The following ELMO1 variants were observed in gnomAD, a reference collection of about 807,000 sequenced individuals.
ELMO1 encodes the protein engulfment and cell motility protein 1.
Under a neutral mutation model 98.9 loss-of-function variants are expected in ELMO1, and 26 were observed. The ratio of observed to expected loss-of-function variants is 0.26; its 90% CI spans 0.19 to 0.36. ELMO1 has a LOEUF of 0.36. ELMO1 is among the 10% of genes least tolerant of loss of function. The pLI is 1.00. For missense variants in ELMO1, 627 were observed against 935.2 expected, an observed-to-expected ratio of 0.67 and a Z score of 4.30; for synonymous variants, 346 against 346.0, an observed-to-expected ratio of 1.00 and a Z score of 0.00.
chr7:37,167,917 A>G (rs568880950), intron 13 of ELMO1, among the ~76,000 whole-genome samples: 8 of 152,144 alleles, frequency 5.3e-5, no homozygotes, highest in South Asian at 2.1e-4. Flanking sequence ...TCTCCTGGAT[A>G]ATATCCTGTA....
intron 15 of ELMO1, among the ~76,000 whole-genome samples, chr7:37,017,967 T>C (rs868396605): frequency 2.0e-5 from 3 of 152,090 alleles, no homozygotes; most frequent in East Asian, 1.9e-4. Context: ...TAGCGTGCCA[T>C]AGAACTTTAG....
intron 16 of ELMO1, among the ~76,000 whole-genome samples, chr7:36,991,094 C>G (rs189988386): frequency 6.6e-6 from 1 of 152,172 alleles, no homozygotes; most frequent in Admixed American, 6.6e-5. Context: ...CTACAGTTTA[C>G]GACATGGCTA....
chr7:37,265,577 A>G (rs1796197175), intron 5 of ELMO1, among the ~76,000 whole-genome samples: 1 of 151,922 alleles, frequency 6.6e-6, no homozygotes, highest in African/African-American at 2.4e-5. Context: ...CTGCATGGAG[A>G]GTGTCTCCAC....
chr7:36,872,483 A>G (rs890443985), intron 19 of ELMO1, among the ~76,000 whole-genome samples: 2 of 152,192 alleles, frequency 1.3e-5, no homozygotes, highest in African/African-American at 4.8e-5. Flanking sequence ...TCCCTGCAGC[A>G]CAAGGTAGCA....
intron 2 of ELMO1, among the ~76,000 whole-genome samples, chr7:37,336,914 G>A (rs1339730050): frequency 1.3e-5 from 2 of 152,108 alleles, no homozygotes; most frequent in Non-Finnish European, 2.9e-5. Flanking sequence ...GATTTTCCAA[G>A]GTGAAAACAG....
chr7:37,124,163 C>A (rs994870410), intron 14 of ELMO1, among the ~76,000 whole-genome samples: 1 of 152,100 alleles, frequency 6.6e-6, no homozygotes, highest in Non-Finnish European at 1.5e-5. Context: ...CTATGACAAA[C>A]CCACAGCCAA....
rs192299440 is a variant in ELMO1 at position 36,963,123 on chromosome 7, G to A, written c.1437+50176C>T. ...CTTTGAGCTGGGCGTGGTGGCTCAC[G>A]CCTGTAATCCCAGCACTTTGGGAGG... On this transcript the variant is annotated intron_variant, in intron 16 of 21. Coordinates refer to ENST00000310758, the MANE Select transcript of ELMO1 (RefSeq NM_014800.11). Among the ~76,000 whole-genome samples, 14 of 152,236 alleles carry A rather than the reference G, an allele frequency of 9.2e-5. No homozygotes were observed. In the East Asian group the frequency reaches 1.9e-3, roughly 21 times the overall value.
intron 16 of ELMO1, among the ~76,000 whole-genome samples, chr7:36,970,343 A>G (rs1379847560): frequency 2.0e-5 from 3 of 152,168 alleles, no homozygotes; most frequent in Non-Finnish European, 4.4e-5. Flanking sequence ...ATAAAATCAT[A>G]TTACACAATT....
chr7:36,855,408 G>T lies in ELMO1; in HGVS notation c.*143C>A. 2 of 1,065,700 alleles carry T rather than the reference G, an allele frequency of 1.9e-6. No homozygotes were observed. Among genetic ancestry groups the T allele is most frequent in the Non-Finnish European group, 1.4e-6 (1 of 716,648 alleles). The allele number at this position is 1,065,700 out of a possible 1,614,324, so 66.0% of individuals were successfully genotyped here. On this transcript the variant is annotated 3_prime_UTR_variant, in exon 22 of 22. Coordinates refer to ENST00000310758, the MANE Select transcript of ELMO1 (RefSeq NM_014800.11). This position sits in a 1 kb window ranked among gnomAD's most constrained non-coding sequence, Gnocchi z 4.2. The stretch of plus-strand genomic sequence containing the variant: ...CAGCTAGGGGCTGAAAGTTGCCAGG[G>T]CTAGAGGTGATGCTGAAGGGAATGT...
At chr7:36,959,836 A>T (rs1047572981) in intron 16 of ELMO1, among the ~76,000 whole-genome samples, 1 of 152,092 alleles carries the variant, frequency 6.6e-6, no homozygotes, top group Admixed American at 6.6e-5. Flanking sequence ...ACGTGTGACC[A>T]TGCCTGCCTA....
chr7:37,296,909 C>T (rs565888663), intron 4 of ELMO1, among the ~76,000 whole-genome samples: 36 of 152,260 alleles, frequency 2.4e-4, no homozygotes, highest in Non-Finnish European at 4.7e-4. Flanking sequence ...ACCTGACATG[C>T]TCTCAAGCCA....
In ELMO1 at chr7:37,261,623, T is replaced by C. The variant is rs112228502; in HGVS notation, c.244-2273A>G. ...TGTTTTTCTTTCTTTCTTTTTTTTTTAGGGAGTCTTGCTCTGTCACCCAGG... is the reference window on the plus strand; with the variant it reads ...TGTTTTTCTTTCTTTCTTTTTTTTTCAGGGAGTCTTGCTCTGTCACCCAGG... On this transcript the variant is annotated intron_variant, in intron 5 of 21. Coordinates refer to ENST00000310758, the MANE Select transcript of ELMO1 (RefSeq NM_014800.11). 4.6e-4 allele frequency among the ~76,000 whole-genome samples: 70 copies of C among 152,152 alleles called. No homozygotes were observed. The Middle Eastern group carries it at 0.01, about 22-fold the overall frequency.
At chr7:36,893,024 G>C (rs894946910) in intron 17 of ELMO1, among the ~76,000 whole-genome samples, 4 of 152,168 alleles carry the variant, frequency 2.6e-5, no homozygotes, top group South Asian at 2.1e-4. Context: ...GCCAAAATAG[G>C]AGTAAAATGT....
intron 8 of ELMO1, among the ~76,000 whole-genome samples, chr7:37,228,189 T>A (rs1793971889): frequency 1.3e-5 from 2 of 152,252 alleles, no homozygotes; most frequent in African/African-American, 4.8e-5. Context: ...TCAGGGCTGA[T>A]CCAAGTGAAT....
chr7:36,963,408 T>C (rs975483490), intron 16 of ELMO1, among the ~76,000 whole-genome samples: 1 of 150,596 alleles, frequency 6.6e-6, no homozygotes, highest in African/African-American at 2.4e-5. Context: ...AATAAAAAAA[T>C]AAATAAATAA....
chr7:37,005,133 GA>G (rs932976131), intron 16 of ELMO1, among the ~76,000 whole-genome samples: 7 of 117,982 alleles, frequency 5.9e-5, no homozygotes, highest in African/African-American at 9.5e-5. Context: ...AAAAAAAAAA[GA>G]AAAAAAGAAA....
At chr7:37,165,778 G>C (rs1291586385) in intron 13 of ELMO1, among the ~76,000 whole-genome samples, 2 of 152,150 alleles carry the variant, frequency 1.3e-5, no homozygotes, top group Admixed American at 1.3e-4. Flanking sequence ...TGTTCATCAA[G>C]GATATTGGTT....
Position 36,854,562 on chromosome 7 carries a change from C to G in ELMO1, c.*989G>C, listed in dbSNP as rs1802063884. On this transcript the variant is annotated 3_prime_UTR_variant, in exon 22 of 22. Coordinates refer to ENST00000310758, the MANE Select transcript of ELMO1 (RefSeq NM_014800.11). ...GCAAAAAAAAAAAAAAAAACTAACC[C>G]AAAACTCTTGCAAATTGTAAATACC... is the stretch of plus-strand genomic sequence containing the variant. The G allele has an allele frequency of 6.8e-6, 1 of 147,262 alleles. No individual in the cohort carries two copies. 9.1% of individuals were successfully genotyped at this position (147,262 alleles called of 1,614,324 possible). A position where few individuals can be genotyped will look rare whatever the true frequency, so the allele number is the denominator to read the frequency against.
intron 14 of ELMO1, among the ~76,000 whole-genome samples, chr7:37,104,558 A>G (rs1784836163): frequency 6.6e-6 from 1 of 152,202 alleles, no homozygotes; most frequent in African/African-American, 2.4e-5. Context: ...GCCCTTAAGT[A>G]AAAACTCCAT....
Sources: gnomAD v4.1 joint callset for allele counts (sites outside exome capture counted in the v4.1 genomes callset) on GRCh38, gnomAD v4.1.1 for gene constraint, Gnocchi (gnomAD v3.1) non-coding constraint, MANE v1.5 for transcripts, NCBI Gene and HGNC (gene_info 2026-07-23, HGNC 2026-07-21) for gene names.